GALNT13: variants seen among roughly 807,000 people sequenced by gnomAD.
The protein encoded by GALNT13 is UDP-GalNAc:polypeptide N-acetylgalactosaminyltransferase 13.
GALNT13 carries 28 observed loss-of-function variants against 64.2 expected under a neutral mutation model. The ratio of observed to expected loss-of-function variants is 0.44; its 90% CI spans 0.32 to 0.60. The LOEUF is 0.60. Among genes scored for constraint, GALNT13 ranks in the 20% least tolerant of loss-of-function variants. The pLI is 0.05. For missense variants in GALNT13, 577 were observed against 669.8 expected, an observed-to-expected ratio of 0.86 and a Z score of 1.53; for synonymous variants, 214 against 224.6, an observed-to-expected ratio of 0.95 and a Z score of 0.42.
At chr2:154,409,496 T>A (rs1299037440) in intron 11 of GALNT13, among the ~76,000 whole-genome samples, 1 of 152,006 alleles carries the variant, frequency 6.6e-6, no homozygotes, top group Non-Finnish European at 1.5e-5. Context: ...GCTTTTGAAG[T>A]TTAATAAAAT....
the GALNT13 span, among the ~76,000 whole-genome samples, chr2:153,291,259 A>C: frequency 6.6e-6 from 1 of 152,202 alleles, no homozygotes; most frequent in Non-Finnish European, 1.5e-5. Context: ...TTTAGAAAAC[A>C]GGCCAGAAGC....
At chr2:153,162,710 A>G in the GALNT13 span, among the ~76,000 whole-genome samples, 74 of 152,346 alleles carry the variant, frequency 4.9e-4, no homozygotes, top group South Asian at 3.1e-3. Context: ...TTCCAGGAAC[A>G]ATGTTCAGAC....
At chr2:154,338,750 G>T (rs1430136943) in intron 9 of GALNT13, among the ~76,000 whole-genome samples, 2 of 152,052 alleles carry the variant, frequency 1.3e-5, no homozygotes, top group African/African-American at 2.4e-5. Flanking sequence ...GGAAATTTAG[G>T]TCTGGTGGAT....
chr2:153,346,618 T>A, the GALNT13 span, among the ~76,000 whole-genome samples: 1 of 152,232 alleles, frequency 6.6e-6, no homozygotes, highest in African/African-American at 2.4e-5. Flanking sequence ...TGAGAAATTA[T>A]GATCCAAAGT....
chr2:154,090,612 C>T (rs536041316), intron 3 of GALNT13, among the ~76,000 whole-genome samples: 19 of 152,110 alleles, frequency 1.2e-4, no homozygotes, highest in African/African-American at 4.1e-4. Context: ...ACCACAGTCT[C>T]AGGAACCTGT....
chr2:153,693,673 G>A, the GALNT13 span, among the ~76,000 whole-genome samples: 4 of 152,018 alleles, frequency 2.6e-5, no homozygotes, highest in African/African-American at 9.7e-5. Context: ...GGGAGAGAGA[G>A]TACGTGATGA....
chr2:153,104,170 G>A, the GALNT13 span, among the ~76,000 whole-genome samples: 1 of 152,034 alleles, frequency 6.6e-6, no homozygotes. Context: ...TGAGTTATAT[G>A]CTTTTTACAT....
At chr2:153,665,554 C>G in the GALNT13 span, among the ~76,000 whole-genome samples, 22 of 151,770 alleles carry the variant, frequency 1.4e-4, no homozygotes, top group African/African-American at 5.3e-4. Context: ...ACTTAAATTA[C>G]AAAATATCAA....
chr2:154,163,989 A>G (rs748739011), intron 4 of GALNT13, among the ~76,000 whole-genome samples: 1 of 152,172 alleles, frequency 6.6e-6, no homozygotes, highest in African/African-American at 2.4e-5. Flanking sequence ...TAAAATGAAG[A>G]TGTCTTAAGA....
the GALNT13 span, among the ~76,000 whole-genome samples, chr2:153,221,975 C>G: frequency 6.6e-6 from 1 of 152,186 alleles, no homozygotes; most frequent in Non-Finnish European, 1.5e-5. Flanking sequence ...AGAGCCACAG[C>G]TCTTCTCTCC....
chr2:153,719,894 G>A, the GALNT13 span, among the ~76,000 whole-genome samples: 8 of 152,074 alleles, frequency 5.3e-5, no homozygotes, highest in East Asian at 9.7e-4. Flanking sequence ...AGGGGCTCCC[G>A]CCATTGCCCA....
chr2:153,281,672 A>G, the GALNT13 span, among the ~76,000 whole-genome samples: 60 of 152,152 alleles, frequency 3.9e-4, no homozygotes, highest in Non-Finnish European at 7.4e-4. Flanking sequence ...GAGATATAAA[A>G]TTCTTAGTTG....
At chr2:153,652,746 G>A in the GALNT13 span, among the ~76,000 whole-genome samples, 2 of 152,120 alleles carry the variant, frequency 1.3e-5, no homozygotes, top group South Asian at 2.1e-4. Context: ...GTCTTCATAT[G>A]TATTTAGAAA....
At chr2:153,369,812 C>T in the GALNT13 span, among the ~76,000 whole-genome samples, 1 of 152,118 alleles carries the variant, frequency 6.6e-6, no homozygotes, top group South Asian at 2.1e-4. Context: ...CTGACAATAA[C>T]CACTTGAGTC....
At chr2:154,062,351 T>C (rs1195641895) in intron 3 of GALNT13, among the ~76,000 whole-genome samples, 1 of 152,224 alleles carries the variant, frequency 6.6e-6, no homozygotes, top group Non-Finnish European at 1.5e-5. Context: ...TGAGTTATTC[T>C]TTTTCTATTT....
At chr2:153,668,528 A>G in the GALNT13 span, among the ~76,000 whole-genome samples, 1 of 152,136 alleles carries the variant, frequency 6.6e-6, no homozygotes, top group African/African-American at 2.4e-5. Context: ...CTGGGACACA[A>G]GAAAGACTGA....
chr2:153,199,620 C>T, the GALNT13 span, among the ~76,000 whole-genome samples: 227 of 152,114 alleles, frequency 1.5e-3, no homozygotes, highest in Non-Finnish European at 1.7e-3. Context: ...TGTGATATAA[C>T]CAACATTGAA....
At chr2:154,395,720 ATTTAG>A (rs894504548) in intron 9 of GALNT13, among the ~76,000 whole-genome samples, 9 of 152,180 alleles carry the variant, frequency 5.9e-5, no homozygotes, top group African/African-American at 2.2e-4. Context: ...ACCAATTTAC[ATTTAG>A]TTAATTAATT....
At chr2:154,025,546 G>GA (rs1697892936) in intron 3 of GALNT13, among the ~76,000 whole-genome samples, 2 of 61,282 alleles carry the variant, frequency 3.3e-5, no homozygotes, top group African/African-American at 1.3e-4. Flanking sequence ...TCGAAGGCAT[G>GA]GTTTTATTCA....
Sources: gnomAD v4.1 joint callset for allele counts (sites outside exome capture counted in the v4.1 genomes callset) on GRCh38, gnomAD v4.1.1 for gene constraint, MANE v1.5 for transcripts, NCBI Gene and HGNC (gene_info 2026-07-23, HGNC 2026-07-21) for gene names.